STARD9: variants seen among roughly 807,000 people sequenced by gnomAD.
STARD9 encodes the protein stAR-related lipid transfer protein 9.
Under a neutral mutation model 399.8 loss-of-function variants are expected in STARD9, and 346 were observed. That is an observed-to-expected ratio of 0.87 (90% CI 0.79 to 0.95). The LOEUF is 0.95. Among genes scored for constraint, STARD9 ranks in the 40% least tolerant of loss-of-function variants. STARD9 has a pLI of 0.00. For synonymous variants in STARD9, 2,203 were observed against 2,143.5 expected, an observed-to-expected ratio of 1.03 and a Z score of -0.77; for missense variants, 5,832 against 5,667.5, an observed-to-expected ratio of 1.03 and a Z score of -0.93.
At chr15:42,587,261 A>C (rs1476718318) in intron 3 of STARD9, among the ~76,000 whole-genome samples, 1 of 152,214 alleles carries the variant, frequency 6.6e-6, no homozygotes, top group Non-Finnish European at 1.5e-5. Flanking sequence ...AAGATGATTG[A>C]ATATTTCTAA....
chr15:42,644,933 A>G (rs1339312767), intron 7 of STARD9, among the ~76,000 whole-genome samples: 3 of 152,142 alleles, frequency 2.0e-5, no homozygotes, highest in Non-Finnish European at 4.4e-5. Context: ...GCTCATCCAT[A>G]AGAAGCAACT....
intron 3 of STARD9, among the ~76,000 whole-genome samples, chr15:42,590,493 T>C (rs991766704): frequency 1.3e-5 from 2 of 152,138 alleles, no homozygotes; most frequent in African/African-American, 2.4e-5. Context: ...TATCTGACTT[T>C]AGGGGGATTT....
intron 3 of STARD9, among the ~76,000 whole-genome samples, chr15:42,630,736 T>C (rs1358936001): frequency 2.6e-5 from 4 of 152,158 alleles, no homozygotes; most frequent in African/African-American, 4.8e-5. Flanking sequence ...TAGTCTCTAA[T>C]GGGACTTTGG....
chr15:42,691,943 C>T lies in STARD9; in HGVS notation c.10365C>T (p.Asp3455=). ...CAGAAAATTGGTGCTCTCAGATGGA[C>T]AAAGGAATGCTGCACTTTGGCTCCA... ...VRPENWCSQM[D]KGMLHFGSSD... The change falls in exon 23 of 33, where the codon GAC becomes GAT. Residue 3455 remains aspartate (D), a synonymous_variant. Transcript: ENST00000290607. 2.0e-6 allele frequency: 3 copies of T among 1,537,240 alleles called. No homozygotes were observed. The highest frequency in any genetic ancestry group is 2.6e-6 in the Non-Finnish European group (3 of 1,146,902).
At chr15:42,620,569 G>C (rs911920946) in intron 3 of STARD9, among the ~76,000 whole-genome samples, 9 of 152,034 alleles carry the variant, frequency 5.9e-5, no homozygotes, top group African/African-American at 1.9e-4. Context: ...GTCCTAGTAA[G>C]ATCCTTACAG....
Position 42,581,554 on chromosome 15 carries a change from A to G in STARD9, c.48-1792A>G, listed in dbSNP as rs2058171047. The G allele has an allele frequency of 5.5e-6, 6 of 1,092,996 alleles. No homozygotes were observed. The East Asian group carries it at 1.5e-4, about 28-fold the overall frequency. 67.7% of individuals were successfully genotyped at this position (1,092,996 alleles called of 1,614,324 possible). ...CGGCGGCGCCGGGCCGGTCTGCTCCAGCTCCTAGGGCGGGTGGAAAAGCGA... is the reference window on the plus strand; with the variant it reads ...CGGCGGCGCCGGGCCGGTCTGCTCCGGCTCCTAGGGCGGGTGGAAAAGCGA... On this transcript the variant is annotated intron_variant, in intron 1 of 32. Coordinates refer to ENST00000290607, the MANE Select transcript of STARD9 (RefSeq NM_020759.3).
At chr15:42,663,789 C>T (rs760039833) in intron 12 of STARD9, 31 bp from the exon 13 acceptor site, 19 of 1,452,074 alleles carry the variant, frequency 1.3e-5, no homozygotes, top group Non-Finnish European at 1.7e-5. Context: ...GATGGGCTGG[C>T]ATGTTTTTAA....
intron 9 of STARD9, among the ~76,000 whole-genome samples, chr15:42,653,667 A>G (rs774795729): frequency 1.4e-4 from 22 of 152,244 alleles, no homozygotes; most frequent in Non-Finnish European, 2.8e-4. Context: ...GGAAAAATAA[A>G]AAGTAGAATT....
intron 3 of STARD9, among the ~76,000 whole-genome samples, chr15:42,630,831 A>G (rs1394823434): frequency 4.0e-5 from 6 of 151,896 alleles, no homozygotes; most frequent in South Asian, 4.2e-4. Flanking sequence ...TCATCTGTCT[A>G]AAGGCTTATC....
At chr15:42,641,752 G>A (rs1008077713) in intron 7 of STARD9, among the ~76,000 whole-genome samples, 1 of 151,948 alleles carries the variant, frequency 6.6e-6, no homozygotes, top group Non-Finnish European at 1.5e-5. Context: ...TTACAGGCAT[G>A]AGCCACCACG....
chr15:42,692,148 C>G lies in STARD9; in HGVS notation c.10570C>G (p.Pro3524Ala). The G allele has an allele frequency of 1.3e-6, 2 of 1,537,186 alleles. No homozygotes were observed. The highest frequency in any genetic ancestry group is 1.7e-6 in the Non-Finnish European group (2 of 1,146,912). The change falls in exon 23 of 33, where the codon CCT becomes GCT. Residue 3524 changes from proline to alanine, a missense_variant. Transcript: ENST00000290607. ...MDNGLEDQNS[P>A]FHSHLSTYAN... is the part of the protein sequence containing the mutation. The stretch of plus-strand genomic sequence containing the variant: ...CAATGGCCTAGAAGACCAGAACTCC[C>G]CTTTCCACTCCCACCTCAGCACTTA...
chr15:42,600,917 G>T (rs904713493), intron 3 of STARD9, among the ~76,000 whole-genome samples: 3 of 150,990 alleles, frequency 2.0e-5, no homozygotes, highest in African/African-American at 7.3e-5. Flanking sequence ...TCTCGGAGAG[G>T]GGGATTTGGC....
At chr15:42,603,897 C>T (rs1259938039) in intron 3 of STARD9, among the ~76,000 whole-genome samples, 1 of 152,102 alleles carries the variant, frequency 6.6e-6, no homozygotes, top group Non-Finnish European at 1.5e-5. Context: ...ACTTCAGTTC[C>T]TATCTATAGG....
Position 42,693,895 on chromosome 15 carries a change from T to TC in STARD9, c.12320dup (p.Gln4108SerfsTer6), listed in dbSNP as rs1284499720. Reference sequence around the variant, plus strand: ...GGGCTCCGAGGTTCTGCCTTGGGCCTCCCTCAGGCCTGCCAACCTGAGGAG... The same window carrying TC: ...GGGCTCCGAGGTTCTGCCTTGGGCCTCCCCTCAGGCCTGCCAACCTGAGGAG... On this transcript the variant is annotated frameshift_variant, in exon 23 of 33. Coordinates refer to ENST00000290607, the MANE Select transcript of STARD9 (RefSeq NM_020759.3). LOFTEE classifies it high-confidence loss of function. 1 of 1,528,888 alleles carries TC rather than the reference T, an allele frequency of 6.5e-7. No homozygotes were observed. The allele number at this position is 1,528,888 out of a possible 1,614,324, so 94.7% of individuals were successfully genotyped here.
intron 16 of STARD9, chr15:42,673,814 C>G: frequency 2.4e-6 from 1 of 415,714 alleles, no homozygotes; most frequent in Non-Finnish European, 4.9e-6. Flanking sequence ...TCAACTAATC[C>G]ACTGATTCAT....
intron 3 of STARD9, among the ~76,000 whole-genome samples, chr15:42,587,145 T>C (rs572872519): frequency 1.3e-5 from 2 of 152,272 alleles, no homozygotes; most frequent in African/African-American, 4.8e-5. Context: ...CATGAGTAAC[T>C]GCACCCAGCT....
intron 9 of STARD9, among the ~76,000 whole-genome samples, chr15:42,659,040 C>T (rs1231631652): frequency 6.6e-6 from 1 of 152,038 alleles, no homozygotes; most frequent in East Asian, 1.9e-4. Context: ...TTGAACCCAG[C>T]AGGCAGAGGT....
chr15:42,587,376 G>GCCA (rs2058297555), intron 3 of STARD9, among the ~76,000 whole-genome samples: 2 of 152,090 alleles, frequency 1.3e-5, no homozygotes, highest in African/African-American at 4.8e-5. Context: ...TGTGGGATTT[G>GCCA]CTGTCACAGT....
At chr15:42,588,710 C>G (rs1422465444) in intron 3 of STARD9, among the ~76,000 whole-genome samples, 1 of 140,376 alleles carries the variant, frequency 7.1e-6, no homozygotes, top group African/African-American at 2.8e-5. Context: ...AAGGTGGAAT[C>G]TATACAATCT....
Sources: gnomAD v4.1 joint callset for allele counts (sites outside exome capture counted in the v4.1 genomes callset) on GRCh38, gnomAD v4.1.1 for gene constraint, MANE v1.5 for transcripts, NCBI Gene and HGNC (gene_info 2026-07-23, HGNC 2026-07-21) for gene names.